The following ANGPT1 variants were observed in gnomAD, a reference collection of about 807,000 sequenced individuals.
ANGPT1 encodes the protein angiopoietin-1.
A neutral mutation model predicts 62.2 loss-of-function variants in ANGPT1; 17 were observed. That is an observed-to-expected ratio of 0.27 (90% confidence interval 0.19 to 0.41). The LOEUF is 0.41. Ranked by LOEUF, ANGPT1 falls within the 10% of genes least tolerant of loss-of-function variation. ANGPT1 has a pLI of 1.00. For synonymous variants in ANGPT1, 199 were observed against 198.9 expected (o/e 1.00, Z 0.00); for missense variants, 478 against 594.9 (o/e 0.80, Z 2.04).
At chr8:107,490,319 A>G (rs1292354845) in intron 1 of ANGPT1, among the ~76,000 whole-genome samples, 1 of 152,246 alleles carries the variant, frequency 6.6e-6, no homozygotes, top group East Asian at 1.9e-4. Flanking sequence ...CCTGTAGCCC[A>G]GACTTGTTTA....
intron 1 of ANGPT1, among the ~76,000 whole-genome samples, chr8:107,348,448 CTTATTA>C (rs1235074133): frequency 1.3e-5 from 2 of 152,132 alleles, no homozygotes; most frequent in Admixed American, 6.6e-5. Flanking sequence ...CAATCAAACT[CTTATTA>C]TTATTAATAC....
At chr8:107,345,005 G>A (rs1256239833) in intron 2 of ANGPT1, among the ~76,000 whole-genome samples, 1 of 152,082 alleles carries the variant, frequency 6.6e-6, no homozygotes, top group Non-Finnish European at 1.5e-5. Context: ...ACATATAACA[G>A]GTTCGAAGCA....
At chr8:107,454,575 T>C (rs1811864776) in intron 1 of ANGPT1, among the ~76,000 whole-genome samples, 1 of 152,090 alleles carries the variant, frequency 6.6e-6, no homozygotes, top group Non-Finnish European at 1.5e-5. Context: ...AAGTAGCAAG[T>C]AGTACATTTT....
chr8:107,257,876 G>GTGTT (rs1813396590), intron 8 of ANGPT1, among the ~76,000 whole-genome samples: 1 of 85,260 alleles, frequency 1.2e-5, no homozygotes, highest in African/African-American at 4.7e-5. Context: ...ACTTGTTTTT[G>GTGTT]TTTCTTTTTT....
chr8:107,254,876 C>A (rs964333437), intron 8 of ANGPT1, among the ~76,000 whole-genome samples: 1 of 151,986 alleles, frequency 6.6e-6, no homozygotes, highest in African/African-American at 2.4e-5. Context: ...GAACCACAAT[C>A]GAACCAGAAG....
At chr8:107,279,900 T>C (rs992616183) in intron 7 of ANGPT1, among the ~76,000 whole-genome samples, 15 of 152,010 alleles carry the variant, frequency 9.9e-5, no homozygotes, top group African/African-American at 3.1e-4. Context: ...AGTATCCAAA[T>C]TGGCCTAAGA....
chr8:107,311,507 C>CAA (rs1162597064), intron 4 of ANGPT1, among the ~76,000 whole-genome samples: 1 of 151,994 alleles, frequency 6.6e-6, no homozygotes, highest in African/African-American at 2.4e-5. Flanking sequence ...TGCAGATATA[C>CAA]AAATTTTCAA....
At chr8:107,357,760 G>T (rs1229557464) in intron 1 of ANGPT1, among the ~76,000 whole-genome samples, 1 of 152,178 alleles carries the variant, frequency 6.6e-6, no homozygotes, top group Non-Finnish European at 1.5e-5. Flanking sequence ...ACAGAAGTTT[G>T]AAAGCCTTAA....
intron 3 of ANGPT1, among the ~76,000 whole-genome samples, chr8:107,324,215 A>ATGTGTATATATATGTG (rs1815231465): frequency 3.5e-5 from 5 of 144,772 alleles, no homozygotes; most frequent in African/African-American, 1.3e-4. Context: ...GTATATATAT[A>ATGTGTATATATATGTG]TGTGTGTGTG....
chr8:107,355,470 C>T (rs1244156444), intron 1 of ANGPT1, among the ~76,000 whole-genome samples: 5 of 152,180 alleles, frequency 3.3e-5, no homozygotes, highest in African/African-American at 1.2e-4. Flanking sequence ...CTTCTACTAC[C>T]TGCAGATAAT....
chr8:107,263,085 G>A (rs187356845), intron 8 of ANGPT1, among the ~76,000 whole-genome samples: 27 of 151,636 alleles, frequency 1.8e-4, no homozygotes, highest in African/African-American at 6.1e-4. Context: ...GTGCCATGGT[G>A]GCTCATGCCT....
intron 1 of ANGPT1, among the ~76,000 whole-genome samples, chr8:107,350,568 G>A (rs1586246701): frequency 6.6e-6 from 1 of 152,156 alleles, no homozygotes; most frequent in Middle Eastern, 3.4e-3. Context: ...ACTATTTCAT[G>A]CTAGCATTCA....
chr8:107,287,130 T>C (rs886239002), intron 6 of ANGPT1, among the ~76,000 whole-genome samples: 3 of 152,144 alleles, frequency 2.0e-5, no homozygotes, highest in Non-Finnish European at 2.9e-5. Context: ...TCAACACTTA[T>C]ACTCAATGTG....
chr8:107,351,615 A>G (rs1815934879), intron 1 of ANGPT1, among the ~76,000 whole-genome samples: 3 of 151,890 alleles, frequency 2.0e-5, no homozygotes. Flanking sequence ...TGAGAAAAAC[A>G]TGCATCACTA....
intron 2 of ANGPT1, among the ~76,000 whole-genome samples, chr8:107,337,441 C>T (rs1203234916): frequency 3.3e-5 from 5 of 152,078 alleles, no homozygotes; most frequent in Non-Finnish European, 7.4e-5. Flanking sequence ...GAGCTGTGCA[C>T]CTAAACCTAT....
At chr8:107,387,332 T>C (rs990211963) in intron 1 of ANGPT1, among the ~76,000 whole-genome samples, 15 of 152,118 alleles carry the variant, frequency 9.9e-5, no homozygotes, top group Admixed American at 9.8e-4. Context: ...TAGGAGTTGC[T>C]AACTTCTTCA....
At chr8:107,315,086 T>A (rs2130033615) in intron 4 of ANGPT1, among the ~76,000 whole-genome samples, 1 of 152,254 alleles carries the variant, frequency 6.6e-6, no homozygotes, top group South Asian at 2.1e-4. Flanking sequence ...TTTCCCCCTT[T>A]AAGAAGACTA....
At chr8:107,335,918 T>G (rs1375603949) in intron 3 of ANGPT1, among the ~76,000 whole-genome samples, 1 of 152,194 alleles carries the variant, frequency 6.6e-6, no homozygotes, top group African/African-American at 2.4e-5. Context: ...AAATTAATGC[T>G]AAAAGTTATA....
intron 1 of ANGPT1, among the ~76,000 whole-genome samples, chr8:107,412,149 G>A (rs1361847273): frequency 2.0e-5 from 3 of 152,204 alleles, no homozygotes; most frequent in East Asian, 1.9e-4. Context: ...ATTGAGAACC[G>A]CTACTGTAGG....
Sources: allele counts gnomAD v4.1 joint callset (sites outside exome capture counted in the v4.1 genomes callset), GRCh38; gene constraint gnomAD v4.1.1; transcripts MANE v1.5; gene names NCBI Gene and HGNC (gene_info 2026-07-23, HGNC 2026-07-21).